Variants in NTRK2 observed in about 807,000 individuals in gnomAD.
NTRK2 encodes neurotrophic receptor tyrosine kinase 2.
Under a neutral mutation model 94.5 loss-of-function variants are expected in NTRK2, and 13 were observed. The observed-to-expected ratio is 0.14, with a 90% CI of 0.09 to 0.22. The LOEUF (loss-of-function observed/expected upper bound fraction) is 0.22. NTRK2 is among the 10% of genes least tolerant of loss of function. The pLI is 1.00. For synonymous variants in NTRK2, 372 were observed against 407.4 expected, an observed-to-expected ratio of 0.91 and a Z score of 1.05; for missense variants, 639 against 1,071.2, an observed-to-expected ratio of 0.60 and a Z score of 5.63.
intron 12 of NTRK2, among the ~76,000 whole-genome samples, chr9:84,844,661 AC>A (rs1184372877): frequency 6.7e-6 from 1 of 149,998 alleles, no homozygotes; most frequent in Non-Finnish European, 1.5e-5. Context: ...ACACACACAC[AC>A]ACACACACAC....
In NTRK2 at chr9:84,934,265, G is replaced by C. The variant is rs2132720620; in HGVS notation, c.1737G>C (p.Glu579Asp). The change falls in exon 15 of 19, where the codon GAG becomes GAC. Residue 579 changes from glutamate (E) to aspartate (D), a missense_variant. Around this residue, in one of 5 missense-constraint regions of NTRK2, gnomAD observed 343 missense variants for 571.5 expected, o/e 0.60. Coordinates refer to ENST00000277120, the MANE Select transcript of NTRK2 (RefSeq NM_006180.6). ...CTGAATGCTATAACCTCTGTCCTGA[G>C]CAGGACAAGATCTTGGTGGCAGTGA... ...FLAECYNLCP[E>D]QDKILVAVKT... 6.2e-7 allele frequency: 1 copy of C among 1,613,878 alleles called. No individual in the cohort carries two copies. The highest frequency in any genetic ancestry group is 8.5e-7 in the Non-Finnish European group (1 of 1,179,786).
At chr9:84,886,223 C>T (rs565609544) in intron 14 of NTRK2, among the ~76,000 whole-genome samples, 2 of 152,274 alleles carry the variant, frequency 1.3e-5, no homozygotes, top group East Asian at 3.9e-4. Context: ...AAAGCAGTGC[C>T]ACACAAAGAA....
At chr9:84,872,908 C>G in intron 14 of NTRK2, 1 of 1,065,268 alleles carries the variant, frequency 9.4e-7, no homozygotes, top group Non-Finnish European at 1.1e-6. Flanking sequence ...AGCCACAGCC[C>G]ACTTCGTCCT....
chr9:84,786,546 T>A (rs1443687661), intron 12 of NTRK2, among the ~76,000 whole-genome samples: 1 of 152,208 alleles, frequency 6.6e-6, no homozygotes, highest in African/African-American at 2.4e-5. Flanking sequence ...TTCTCCAAAA[T>A]AGGATATGTT....
intron 12 of NTRK2, among the ~76,000 whole-genome samples, chr9:84,774,140 C>T (rs1228040927): frequency 6.6e-6 from 1 of 152,158 alleles, no homozygotes; most frequent in East Asian, 1.9e-4. Context: ...CAAATGTCAT[C>T]TATTGAGATG....
intron 13 of NTRK2, among the ~76,000 whole-genome samples, chr9:84,863,213 C>T (rs1453716173): frequency 6.6e-6 from 1 of 152,114 alleles, no homozygotes; most frequent in Non-Finnish European, 1.5e-5. Flanking sequence ...AAAACTCCCC[C>T]AGATGAACTT....
At chr9:84,866,009 A>G (rs1373325725) in intron 13 of NTRK2, among the ~76,000 whole-genome samples, 1 of 152,272 alleles carries the variant, frequency 6.6e-6, no homozygotes, top group East Asian at 1.9e-4. Flanking sequence ...GTGTGAGCAT[A>G]TACATTCTGA....
Position 84,790,734 on chromosome 9 carries a change from T to C in NTRK2, c.1396+38649T>C, listed in dbSNP as rs559299131. Reference sequence around the variant, plus strand: ...GCAGAAGGAAGAAGTGTAGCCTTTCTTTGTGGGAATCTGTAGGGAAATCTA... The same window carrying C: ...GCAGAAGGAAGAAGTGTAGCCTTTCCTTGTGGGAATCTGTAGGGAAATCTA... On this transcript the variant is annotated intron_variant, in intron 12 of 18. Transcript: ENST00000277120. Among the ~76,000 whole-genome samples, 5 of 152,346 alleles carry C rather than the reference T, an allele frequency of 3.3e-5. No individual in the cohort carries two copies. In the East Asian group the frequency reaches 9.6e-4, roughly 29 times the overall value.
chr9:84,707,342 A>C (rs760436110), intron 4 of NTRK2, among the ~76,000 whole-genome samples: 2 of 152,058 alleles, frequency 1.3e-5, no homozygotes, highest in African/African-American at 2.4e-5. Context: ...ATCTCAGTAG[A>C]GTTTTTTTTA....
At chr9:84,727,548 A>G in intron 8 of NTRK2, 106 bp from the exon 9 acceptor site, 1 of 1,131,414 alleles carries the variant, frequency 8.8e-7, no homozygotes, top group Admixed American at 2.0e-5. Context: ...TGTTTTTCTA[A>G]GCCAAACAAT....
chr9:84,770,438 CT>C (rs1393828266), intron 12 of NTRK2, among the ~76,000 whole-genome samples: 1 of 152,136 alleles, frequency 6.6e-6, no homozygotes, highest in Non-Finnish European at 1.5e-5. Flanking sequence ...TCTTGCCTGG[CT>C]TCTTCCTCCC....
At chr9:84,995,579 C>T (rs1237465842) in intron 17 of NTRK2, among the ~76,000 whole-genome samples, 1 of 152,196 alleles carries the variant, frequency 6.6e-6, no homozygotes, top group Non-Finnish European at 1.5e-5. Flanking sequence ...GCCGCTGGGT[C>T]TGCCACACAC....
chr9:84,822,161 G>A (rs1175179962), intron 12 of NTRK2, among the ~76,000 whole-genome samples: 2 of 152,116 alleles, frequency 1.3e-5, no homozygotes, highest in African/African-American at 4.8e-5. Context: ...GGTGTGAATA[G>A]GCTATTTCAG....
intron 14 of NTRK2, among the ~76,000 whole-genome samples, chr9:84,883,833 T>C (rs931348204): frequency 3.3e-5 from 5 of 152,212 alleles, no homozygotes; most frequent in Non-Finnish European, 7.3e-5. Context: ...TCAAAATAAT[T>C]AGAAACTGGA....
chr9:85,020,156 A>G, intron 17 of NTRK2, 50 bp from the exon 18 acceptor site: 1 of 1,608,064 alleles, frequency 6.2e-7, no homozygotes, highest in Non-Finnish European at 8.5e-7. Flanking sequence ...TCCCTTCCAC[A>G]CCTGGTTTCG....
At chr9:84,723,813 C>T (rs755528281) in intron 7 of NTRK2, 104 bp downstream of exon 7, 90 of 1,478,336 alleles carry the variant, frequency 6.1e-5, no homozygotes, top group Non-Finnish European at 8.0e-5. Flanking sequence ...TATAAGGCTA[C>T]ATATAGAAAT....
chr9:84,966,425 TTTTG>T (rs758788708), intron 17 of NTRK2, among the ~76,000 whole-genome samples: 6 of 151,348 alleles, frequency 4.0e-5, no homozygotes, highest in South Asian at 2.1e-4. Flanking sequence ...AGAGCTATGT[TTTTG>T]TTTGTTTGTT....
chr9:84,840,019 C>T, intron 12 of NTRK2, among the ~76,000 whole-genome samples: 1 of 152,006 alleles, frequency 6.6e-6, no homozygotes, highest in Non-Finnish European at 1.5e-5. Flanking sequence ...CGTTCTTTCC[C>T]TTTCTTCCTC....
intron 12 of NTRK2, among the ~76,000 whole-genome samples, chr9:84,807,307 C>T (rs2071237364): frequency 6.6e-6 from 1 of 152,196 alleles, no homozygotes; most frequent in African/African-American, 2.4e-5. Context: ...ACTCCCTTCC[C>T]TTCCCAGTCT....
Sources: gnomAD v4.1 joint callset for allele counts (sites outside exome capture counted in the v4.1 genomes callset) on GRCh38, gnomAD v4.1.1 for gene constraint, gnomAD v4.1.1 regional missense constraint, MANE v1.5 for transcripts, NCBI Gene and HGNC (gene_info 2026-07-23, HGNC 2026-07-21) for gene names.